Variants in TP53AIP1 observed in about 807,000 individuals in gnomAD.
The protein encoded by TP53AIP1 is p53-regulated apoptosis-inducing protein 1.
Under a neutral mutation model 9.5 loss-of-function variants are expected in TP53AIP1, and 14 were observed. That is an observed-to-expected ratio of 1.47 (90% CI 0.97 to 2.30). TP53AIP1 has a LOEUF of 2.30. Among genes scored for constraint, TP53AIP1 ranks in the 30% most tolerant of loss-of-function variants. TP53AIP1 has a pLI of 0.00. For synonymous variants in TP53AIP1, 73 were observed against 61.2 expected (o/e 1.19, Z -0.90); for missense variants, 153 against 146.7 (o/e 1.04, Z -0.22).
chr11:128,941,751 G>A (rs1335678936), intron 1 of TP53AIP1, among the ~76,000 whole-genome samples: 6 of 152,200 alleles, frequency 3.9e-5, no homozygotes, highest in Non-Finnish European at 7.3e-5. Flanking sequence ...GTGCCAGCCC[G>A]TGCTTCCTTG....
At chr11:128,938,452 G>T (rs1944877944) in intron 1 of TP53AIP1, among the ~76,000 whole-genome samples, 1 of 152,058 alleles carries the variant, frequency 6.6e-6, no homozygotes, top group Non-Finnish European at 1.5e-5. Context: ...CTCAGAGGTT[G>T]CCAGCCGGGC....
Position 128,935,681 on chromosome 11 carries a change from A to T in TP53AIP1, c.285T>A (p.Leu95=). Residue 95 remains leucine, a synonymous_variant, in exon 4 of 4, where the codon CTT becomes CTA. Transcript: ENST00000531399. ...TGTCTCTAAGCACTGTGGCTCCAGG[A>T]AGGAAAGGCCTGGAGAGACCTAGAC... ...GLGLGLSRPF[L]PGATVLRDRP... is the part of the protein sequence containing the mutation. 1.0e-5 allele frequency: 16 copies of T among 1,585,088 alleles called. No homozygotes were observed. Among genetic ancestry groups the T allele is most frequent in the Non-Finnish European group, 1.4e-5 (16 of 1,173,284 alleles).
At chr11:128,941,444 T>C (rs1944940569) in intron 1 of TP53AIP1, among the ~76,000 whole-genome samples, 1 of 152,194 alleles carries the variant, frequency 6.6e-6, no homozygotes, top group South Asian at 2.1e-4. Context: ...TCTAAATTAG[T>C]GGATCCCTGG....
rs1179300825 is a variant in TP53AIP1 at position 128,937,687 on chromosome 11, T to C, written c.132A>G (p.Thr44=). The C allele has an allele frequency of 6.2e-7, 1 of 1,613,668 alleles. No individual in the cohort carries two copies. The highest frequency in any genetic ancestry group is 8.5e-7 in the Non-Finnish European group (1 of 1,179,872). Residue 44 remains threonine, a synonymous_variant, in exon 2 of 4, where the codon ACA becomes ACG. Coordinates refer to ENST00000531399, the MANE Select transcript of TP53AIP1 (RefSeq NM_022112.3). The surrounding 1 kb of genome is among the most constrained non-coding windows in gnomAD (Gnocchi z 4.8). The stretch of plus-strand genomic sequence containing the variant: ...CACTGCAGGGACTTACCCAGCCAGG[T>C]GTGTGTGTCTGAGCCCTGCCATTCG... ...MPPNGRAQTH[T]PGWVSDPLVL...
chr11:128,935,119 C>T (rs1283472320), downstream of TP53AIP1: 3 of 714,188 alleles, frequency 4.2e-6, no homozygotes, highest in Non-Finnish European at 5.1e-6. Context: ...GAATGACTGT[C>T]CACTGCAGCT....
In TP53AIP1 at chr11:128,937,480, T is replaced by G; in HGVS notation, c.141+198A>C. On this transcript the variant is annotated intron_variant, in intron 2 of 3. Coordinates refer to ENST00000531399, the MANE Select transcript of TP53AIP1 (RefSeq NM_022112.3). The surrounding 1 kb of genome is among the most constrained non-coding windows in gnomAD (Gnocchi z 4.8). Reference sequence around the variant, plus strand: ...GGGCTGGCCTTCCTCTTGGGACTATTGATCAGGGCTGTCAGTTCCCAGCTC... The same window carrying G: ...GGGCTGGCCTTCCTCTTGGGACTATGGATCAGGGCTGTCAGTTCCCAGCTC... 3 of 1,552,718 alleles carry G rather than the reference T, an allele frequency of 1.9e-6. No individual in the cohort carries two copies. The highest frequency in any genetic ancestry group is 2.6e-6 in the Non-Finnish European group (3 of 1,145,784).
chr11:128,936,592 C>A lies in TP53AIP1; in HGVS notation c.199G>T (p.Ala67Ser). The A allele has an allele frequency of 1.9e-6, 3 of 1,588,552 alleles. No homozygotes were observed. Among genetic ancestry groups the A allele is most frequent in the Non-Finnish European group, 2.6e-6 (3 of 1,175,388 alleles). ...QVHGGCRGIE[A>S]LSVSSGSWSS... ...CAAGATCCAGACGAGACTGACAGAG[C>A]TTCTATTCCCCGGCACCCTCCGTGA... is the stretch of plus-strand genomic sequence containing the variant. The change falls in exon 3 of 4, where the codon GCT becomes TCT. Residue 67 changes from alanine to serine, a missense_variant. Ala to Ser is a moderately conservative substitution (Grantham distance 99). Coordinates refer to ENST00000531399, the MANE Select transcript of TP53AIP1 (RefSeq NM_022112.3).
At position 128,937,467 on chromosome 11, in the gene TP53AIP1, C is replaced by T. The variant is rs981827051; in HGVS notation, c.141+211G>A. 6 of 1,535,050 alleles carry T rather than the reference C, an allele frequency of 3.9e-6. No individual in the cohort carries two copies. Among genetic ancestry groups the T allele is most frequent in the Non-Finnish European group, 5.3e-6 (6 of 1,139,028 alleles). On this transcript the variant is annotated intron_variant, in intron 2 of 3. Coordinates refer to ENST00000531399, the MANE Select transcript of TP53AIP1 (RefSeq NM_022112.3). This position sits in a 1 kb window ranked among gnomAD's most constrained non-coding sequence, Gnocchi z 4.8. ...CCGAGGAGGAGGAGGGCTGGCCTTC[C>T]TCTTGGGACTATTGATCAGGGCTGT...
chr11:128,936,375 G>A (rs1944823675), intron 3 of TP53AIP1, 163 bp downstream of exon 3: 2 of 1,414,582 alleles, frequency 1.4e-6, no homozygotes, highest in African/African-American at 2.9e-5. Context: ...ATCCACAGCA[G>A]TTTACAACTC....
rs1323788969 is a variant in TP53AIP1 at position 128,935,730 on chromosome 11, G to C, written c.254-18C>G. 4 of 1,540,456 alleles carry C rather than the reference G, an allele frequency of 2.6e-6. No homozygotes were observed. In the East Asian group the frequency reaches 7.1e-5, roughly 27 times the overall value. The stretch of plus-strand genomic sequence containing the variant: ...ACCAAGGCCTCAGTAGGGAGGGAGA[G>C]AATTTACTCTTTGCAAAACGTATGG... On this transcript the variant is annotated intron_variant, in intron 3 of 3. Transcript: ENST00000531399.
chr11:128,936,740 A>G, intron 2 of TP53AIP1, 91 bp from the exon 3 acceptor site: 1 of 1,475,072 alleles, frequency 6.8e-7, no homozygotes, highest in East Asian at 2.5e-5. Context: ...CTAGGTATTC[A>G]TGGCATCCAG....
At chr11:128,936,382 A>T in intron 3 of TP53AIP1, 156 bp downstream of exon 3, 1 of 1,419,596 alleles carries the variant, frequency 7.0e-7, no homozygotes, top group Admixed American at 3.1e-5. Context: ...GCAGTTTACA[A>T]CTCTGCCATG....
intron 2 of TP53AIP1, chr11:128,936,930 A>C: frequency 8.4e-7 from 1 of 1,195,688 alleles, no homozygotes. Flanking sequence ...CCCTCCCATC[A>C]CCACAGCTCG....
intron 2 of TP53AIP1, 46 bp from the exon 3 acceptor site, chr11:128,936,695 C>T: frequency 6.5e-7 from 1 of 1,533,132 alleles, no homozygotes; most frequent in Non-Finnish European, 8.7e-7. Flanking sequence ...AGCGCCGTCT[C>T]TTGGATGGTT....
downstream of TP53AIP1, chr11:128,935,153 G>A (rs1591462142): frequency 2.4e-6 from 2 of 842,656 alleles, no homozygotes; most frequent in East Asian, 2.6e-5. Context: ...CGGGGGCCCG[G>A]GGCTTGCTGG....
At chr11:128,938,582 G>A (rs1366981507) in intron 1 of TP53AIP1, among the ~76,000 whole-genome samples, 1 of 152,152 alleles carries the variant, frequency 6.6e-6, no homozygotes, top group African/African-American at 2.4e-5. Flanking sequence ...TCAGCTTTCA[G>A]GACCATCCAG....
At position 128,939,491 on chromosome 11, in the gene TP53AIP1, T is replaced by G. The variant is rs1944900648; in HGVS notation, c.-76-1597A>C. Among the ~76,000 whole-genome samples the G allele has an allele frequency of 6.6e-6, 1 of 152,210 alleles. No individual in the cohort carries two copies. Among genetic ancestry groups the G allele is most frequent in the African/African-American group, 2.4e-5 (1 of 41,464 alleles). ...GCCTACACCTCCGTCTTCCAGCCACTGAAAACAGGATTCTCCAGAGTTCAC... is the reference window on the plus strand; with the variant it reads ...GCCTACACCTCCGTCTTCCAGCCACGGAAAACAGGATTCTCCAGAGTTCAC... On this transcript the variant is annotated intron_variant, in intron 1 of 3. Transcript: ENST00000531399. The surrounding 1 kb of genome is among the most constrained non-coding windows in gnomAD (Gnocchi z 4.1).
chr11:128,935,577 G>A lies in TP53AIP1; in HGVS notation c.*14C>T, dbSNP rs1385503583. The A allele has an allele frequency of 6.4e-7, 1 of 1,551,350 alleles. No homozygotes were observed. Among genetic ancestry groups the A allele is most frequent in the Non-Finnish European group, 8.7e-7 (1 of 1,155,720 alleles). On this transcript the variant is annotated 3_prime_UTR_variant, in exon 4 of 4. Coordinates refer to ENST00000531399, the MANE Select transcript of TP53AIP1 (RefSeq NM_022112.3). ...TCTGTCGCCCAGGCTGGAGTGCAGT[G>A]GCGTGATCTCGGCTCACTGCAACCT...
At chr11:128,936,383 C>T (rs1944823912) in intron 3 of TP53AIP1, 155 bp downstream of exon 3, 4 of 1,417,152 alleles carry the variant, frequency 2.8e-6, no homozygotes, top group Non-Finnish European at 3.7e-6. Context: ...CAGTTTACAA[C>T]TCTGCCATGA....
Sources: allele counts gnomAD v4.1 joint callset (sites outside exome capture counted in the v4.1 genomes callset), GRCh38; gene constraint gnomAD v4.1.1; non-coding constraint Gnocchi (gnomAD v3.1); transcripts MANE v1.5; gene names NCBI Gene and HGNC (gene_info 2026-07-23, HGNC 2026-07-21).